The following DALRD3 variants were observed in gnomAD, a reference collection of about 807,000 sequenced individuals.
DALRD3 encodes the protein DALR anticodon-binding domain-containing protein 3.
DALRD3 carries 47 observed loss-of-function variants against 56.7 expected under a neutral mutation model. The observed-to-expected ratio is 0.83, with a 90% confidence interval of 0.66 to 1.06. The LOEUF (loss-of-function observed/expected upper bound fraction) is 1.06. DALRD3 is among the 50% of genes least tolerant of loss of function. The pLI, the probability that DALRD3 is intolerant of heterozygous loss-of-function variation, is 0.00. For missense variants in DALRD3, 787 were observed against 724.0 expected, an observed-to-expected ratio of 1.09 and a Z score of -1.00; for synonymous variants, 347 against 308.5, an observed-to-expected ratio of 1.12 and a Z score of -1.31.
chr3:49,019,420 TTTC>T (rs909738421), upstream of DALRD3, among the ~76,000 whole-genome samples: 1 of 151,822 alleles, frequency 6.6e-6, no homozygotes, highest in African/African-American at 2.4e-5. Flanking sequence ...AGTTGGCGGT[TTTC>T]TTCTCTTGAT....
chr3:49,019,577 T>C (rs1401544696), upstream of DALRD3, among the ~76,000 whole-genome samples: 1 of 151,582 alleles, frequency 6.6e-6, no homozygotes, highest in Non-Finnish European at 1.5e-5. Flanking sequence ...CCTCCCGGGT[T>C]CAAGTGATTA....
upstream of DALRD3, among the ~76,000 whole-genome samples, chr3:49,019,771 G>A (rs182289980): frequency 1.3e-5 from 2 of 152,268 alleles, no homozygotes; most frequent in African/African-American, 4.8e-5. Context: ...CACCGCGCCC[G>A]GCTCAGAATG....
At chr3:49,021,238 G>A (rs1402838533), upstream of DALRD3, 3 of 152,414 alleles carry the variant, frequency 2.0e-5, no homozygotes, top group Non-Finnish European at 4.4e-5. The surrounding 1 kb of genome is among the most constrained non-coding windows in gnomAD (Gnocchi z 4.1). Flanking sequence ...CCCGCGGGTA[G>A]CGAAAGCGAC....
At chr3:49,018,590 C>A (rs765162680), upstream of DALRD3, 1 of 1,519,738 alleles carries the variant, frequency 6.6e-7, no homozygotes, top group Non-Finnish European at 8.8e-7. Flanking sequence ...TAAGCGGAAC[C>A]GGAAAAAAAT....
In DALRD3 at chr3:49,015,714, G is replaced by A. The variant is rs2093053944; in HGVS notation, c.1513-7C>T. ...AGAGGTGTGGTCGAGGCTCCTGAAAGAGAAAGGGCCTGCTGGTCTCATCCT... is the reference window on the plus strand; with the variant it reads ...AGAGGTGTGGTCGAGGCTCCTGAAAAAGAAAGGGCCTGCTGGTCTCATCCT... On this transcript the variant is annotated splice_polypyrimidine_tract_variant and splice_region_variant and intron_variant, in intron 11 of 11. Coordinates refer to ENST00000341949, the MANE Select transcript of DALRD3 (RefSeq NM_001009996.3). 6 of 1,614,084 alleles carry A rather than the reference G, an allele frequency of 3.7e-6. No homozygotes were observed. The highest frequency in any genetic ancestry group is 5.1e-6 in the Non-Finnish European group (6 of 1,180,016).
At chr3:49,019,492 T>C (rs1057180109), upstream of DALRD3, among the ~76,000 whole-genome samples, 8 of 151,850 alleles carry the variant, frequency 5.3e-5, no homozygotes, top group Admixed American at 5.2e-4. Flanking sequence ...TTTTTTTTTT[T>C]TTTTGAGACG....
chr3:49,019,777 G>A (rs909760298), upstream of DALRD3, among the ~76,000 whole-genome samples: 2 of 152,168 alleles, frequency 1.3e-5, no homozygotes, highest in Non-Finnish European at 2.9e-5. Flanking sequence ...GCCCGGCTCA[G>A]AATGACCAGC....
At chr3:49,017,394 A>ACTT in intron 4 of DALRD3, 38 bp from the exon 5 acceptor site, 1 of 1,614,188 alleles carries the variant, frequency 6.2e-7, no homozygotes, top group Non-Finnish European at 8.5e-7. Flanking sequence ...AGTACAGTAT[A>ACTT]CTTGGTTTGG....
At chr3:49,017,056 C>A (rs2093090905) in intron 5 of DALRD3, 172 bp downstream of exon 5, 5 of 987,126 alleles carry the variant, frequency 5.1e-6, no homozygotes, top group South Asian at 1.6e-5. Flanking sequence ...TGTCTACAGA[C>A]CCCCCTTCCC....
At chr3:49,016,580 C>T (rs1289303992) in intron 7 of DALRD3, 32 bp downstream of exon 7, 1 of 1,591,580 alleles carries the variant, frequency 6.3e-7, no homozygotes, top group Non-Finnish European at 8.6e-7. Flanking sequence ...CTGCCCCTAA[C>T]CCAGAACATA....
rs2093051847 is a variant in DALRD3 at position 49,015,582 on chromosome 3, G to A, written c.*6C>T. On this transcript the variant is annotated 3_prime_UTR_variant, in exon 12 of 12. Transcript: ENST00000341949. ...AACATTCCCAGGTATTGGAGCCTCT[G>A]TGGCCTTAAATGTGGCTCAGTGGAG... 1 of 1,613,968 alleles carries A rather than the reference G, an allele frequency of 6.2e-7. No homozygotes were observed. Among genetic ancestry groups the A allele is most frequent in the South Asian group, 1.1e-5 (1 of 91,084 alleles).
chr3:49,015,774 A>AC, intron 11 of DALRD3, 30 bp downstream of exon 11: 2 of 1,614,050 alleles, frequency 1.2e-6, no homozygotes, highest in East Asian at 4.5e-5. Context: ...ACCTCTCTGC[A>AC]CGTCCCACCC....
At position 49,015,621 on chromosome 3, in the gene DALRD3, A is replaced by C; in HGVS notation, c.1599T>G (p.Ala533=). 1 of 1,614,148 alleles carries C rather than the reference A, an allele frequency of 6.2e-7. No homozygotes were observed. Among genetic ancestry groups the C allele is most frequent in the Non-Finnish European group, 8.5e-7 (1 of 1,180,032 alleles). ...GGCTCAGTGGAGGGAGACCCAGCAT[A>C]GCCAGGCCAGTATGGAGCACCTCAC... The part of the protein sequence containing the change: ...AVREVLHTGL[A]MLGLPPLSHI Residue 533 remains alanine, a synonymous_variant, in exon 12 of 12, where the codon GCT becomes GCG. Coordinates refer to ENST00000341949, the MANE Select transcript of DALRD3 (RefSeq NM_001009996.3).
intron 2 of DALRD3, 27 bp downstream of exon 2, chr3:49,017,996 C>A (rs770605019): frequency 2.0e-6 from 3 of 1,475,332 alleles, no homozygotes; most frequent in South Asian, 1.4e-5. Context: ...CCCACTTTCT[C>A]CATTCCGGCC....
chr3:49,017,496 AGAG>A lies in DALRD3; in HGVS notation c.733_735del (p.Leu245del), dbSNP rs1479342005. 6.2e-6 allele frequency: 10 copies of A among 1,614,126 alleles called. 1 individual carries two copies. In the South Asian group the frequency reaches 8.8e-5, roughly 14 times the overall value. ...GCCTCTTGCAGCTCAGCCAGCACAG[AGAG>A]GAGATCCTCAGTCACTGAAAAGAGA... On this transcript the variant is annotated inframe_deletion, in exon 4 of 12. Transcript: ENST00000341949.
chr3:49,015,925 C>G, intron 10 of DALRD3, 48 bp downstream of exon 10: 1 of 1,614,130 alleles, frequency 6.2e-7, no homozygotes, highest in Non-Finnish European at 8.5e-7. Flanking sequence ...GTGCCCCAGG[C>G]CAGAATAAAG....
Position 49,016,329 on chromosome 3 carries a change from A to C in DALRD3, c.1158T>G (p.Ala386=), listed in dbSNP as rs771439876. The change falls in exon 9 of 12, where the codon GCT becomes GCG. Residue 386 remains alanine, a synonymous_variant. Transcript: ENST00000341949. ...STAPQSQLFL[A]LADSSISTKG... The stretch of plus-strand genomic sequence containing the variant: ...TCGTGGAGATACTGCTGTCAGCCAG[A>C]GCCAGGAAGAGCTGGGGAATAGAAG... The C allele has an allele frequency of 4.4e-6, 7 of 1,607,370 alleles. No homozygotes were observed. Among genetic ancestry groups the C allele is most frequent in the Non-Finnish European group, 6.0e-6 (7 of 1,174,740 alleles).
At chr3:49,019,185 T>TG (rs1438770975), upstream of DALRD3, 1 of 255,084 alleles carries the variant, frequency 3.9e-6, no homozygotes. Context: ...AGGATTCTCC[T>TG]CCTCAGCCTC....
At position 49,016,516 on chromosome 3, in the gene DALRD3, G is replaced by C; in HGVS notation, c.1064-5C>G. 6.2e-7 allele frequency: 1 copy of C among 1,613,288 alleles called. No individual in the cohort carries two copies. The highest frequency in any genetic ancestry group is 2.2e-5 in the East Asian group (1 of 44,874). ...AGATCTCTGTCCAGGCTGGGTCTGAGGGAGTATAGGGTTGGTCAGTCAGTC... is the reference window on the plus strand; with the variant it reads ...AGATCTCTGTCCAGGCTGGGTCTGACGGAGTATAGGGTTGGTCAGTCAGTC... On this transcript the variant is annotated splice_polypyrimidine_tract_variant and splice_region_variant and intron_variant, in intron 7 of 11. Coordinates refer to ENST00000341949, the MANE Select transcript of DALRD3 (RefSeq NM_001009996.3).
Sources: gnomAD v4.1 joint callset for allele counts (sites outside exome capture counted in the v4.1 genomes callset) on GRCh38, gnomAD v4.1.1 for gene constraint, Gnocchi (gnomAD v3.1) non-coding constraint, MANE v1.5 for transcripts, NCBI Gene and HGNC (gene_info 2026-07-23, HGNC 2026-07-21) for gene names.